CFAP52: variants seen among roughly 807,000 people sequenced by gnomAD.
The protein encoded by CFAP52 is cilia- and flagella-associated protein 52.
In CFAP52, 57 loss-of-function variants were observed where a neutral mutation model predicts 70.5. The observed-to-expected ratio is 0.81, with a 90% CI of 0.65 to 1.01. The LOEUF is 1.01. Among genes scored for constraint, CFAP52 ranks in the 50% least tolerant of loss-of-function variants. The pLI, the probability that CFAP52 is intolerant of heterozygous loss-of-function variation, is 0.00. For missense variants in CFAP52, 785 were observed against 788.5 expected (o/e 1.00, Z 0.05); for synonymous variants, 267 against 292.5 (o/e 0.91, Z 0.89).
At chr17:9,593,701 C>T (rs1789551651) in intron 3 of CFAP52, among the ~76,000 whole-genome samples, 1 of 152,148 alleles carries the variant, frequency 6.6e-6, no homozygotes. Flanking sequence ...GGTGATCCAC[C>T]CGCCTCGGCC....
intron 13 of CFAP52, among the ~76,000 whole-genome samples, chr17:9,642,538 T>C (rs1459665192): frequency 3.3e-5 from 5 of 152,142 alleles, no homozygotes; most frequent in Non-Finnish European, 7.4e-5. Flanking sequence ...ACAGGAGAAT[T>C]GCTTGAGCCT....
chr17:9,638,562 T>G (rs1285502465), intron 11 of CFAP52, 47 bp from the exon 12 acceptor site: 1 of 1,578,248 alleles, frequency 6.3e-7, no homozygotes, highest in Non-Finnish European at 8.7e-7. Flanking sequence ...ATAAATTTCC[T>G]AGGGAAGAGA....
At chr17:9,591,334 G>A (rs1017292726) in intron 3 of CFAP52, among the ~76,000 whole-genome samples, 1 of 151,980 alleles carries the variant, frequency 6.6e-6, no homozygotes, top group Non-Finnish European at 1.5e-5. Context: ...CGCCGCTCCC[G>A]GCCTGCATGT....
intron 1 of CFAP52, among the ~76,000 whole-genome samples, chr17:9,583,735 A>G (rs1908325321): frequency 6.6e-6 from 1 of 152,252 alleles, no homozygotes; most frequent in Admixed American, 6.5e-5. Context: ...AATAAACACG[A>G]AGAGCAATCA....
intron 9 of CFAP52, among the ~76,000 whole-genome samples, chr17:9,629,621 C>T (rs1346712178): frequency 3.3e-5 from 5 of 149,542 alleles, no homozygotes; most frequent in African/African-American, 9.9e-5. Flanking sequence ...GATCTAGGCT[C>T]ACTGCAACCT....
In CFAP52 at chr17:9,586,062, G is replaced by A. The variant is rs557003534; in HGVS notation, c.270+90G>A. 11 of 1,318,608 alleles carry A rather than the reference G, an allele frequency of 8.3e-6. No homozygotes were observed. In the African/African-American group the frequency reaches 1.6e-4, roughly 19 times the overall value. 81.7% of individuals were successfully genotyped at this position (1,318,608 alleles called of 1,614,324 possible). On this transcript the variant is annotated intron_variant, in intron 2 of 13. Transcript: ENST00000352665. Reference sequence around the variant, plus strand: ...CACTTCAAGTTGTTAGTTCTATGTGGCAATGTGCTTTATTCTTCCTTCTTC... The same window carrying A: ...CACTTCAAGTTGTTAGTTCTATGTGACAATGTGCTTTATTCTTCCTTCTTC...
At chr17:9,581,684 C>T (rs188949579) in intron 1 of CFAP52, among the ~76,000 whole-genome samples, 27 of 152,260 alleles carry the variant, frequency 1.8e-4, no homozygotes, top group Non-Finnish European at 3.1e-4. Flanking sequence ...TTTGGTTACT[C>T]ATATCTGAAT....
chr17:9,632,985 C>T lies in CFAP52; in HGVS notation c.1272C>T (p.Ala424=), dbSNP rs1436332194. The stretch of plus-strand genomic sequence containing the variant: ...ACAGGATCGGCGTCACCGCCATCGC[C>T]ACCACCAGTGACTGTAAAAGGGTCA... ...NAHRIGVTAI[A]TTSDCKRVIS... The change falls in exon 10 of 14, where the codon GCC becomes GCT. Residue 424 remains alanine (A), a synonymous_variant. Transcript: ENST00000352665. 3.7e-6 allele frequency: 6 copies of T among 1,614,080 alleles called. No homozygotes were observed. Among genetic ancestry groups the T allele is most frequent in the African/African-American group, 2.7e-5 (2 of 74,938 alleles).
At chr17:9,583,909 G>A (rs1363686089) in intron 1 of CFAP52, among the ~76,000 whole-genome samples, 1 of 152,232 alleles carries the variant, frequency 6.6e-6, no homozygotes, top group African/African-American at 2.4e-5. Flanking sequence ...ATGAGCTTTG[G>A]TGAAAGGAAG....
In CFAP52 at chr17:9,641,811, C is replaced by T. The variant is rs779797045; in HGVS notation, c.1663C>T (p.Gln555Ter). The change falls in exon 13 of 14, where the codon CAG becomes TAG. Residue 555 changes from glutamine (Q) to a stop codon, truncating the protein, a stop_gained. Coordinates refer to ENST00000352665, the MANE Select transcript of CFAP52 (RefSeq NM_145054.5). LOFTEE classifies it high-confidence loss of function. ...SGSINGMDIT[Q>*]EGVHFVTGGN... is the part of the protein sequence containing the mutation. The stretch of plus-strand genomic sequence containing the variant: ...GTCGATAAATGGCATGGATATCACA[C>T]AGGAAGGGGTGCACTTTGTCACAGG... 7 of 1,613,834 alleles carry T rather than the reference C, an allele frequency of 4.3e-6. No individual in the cohort carries two copies. The South Asian group carries it at 7.7e-5, about 18-fold the overall frequency.
chr17:9,578,682 A>T (rs1597756891), intron 1 of CFAP52, among the ~76,000 whole-genome samples: 1 of 152,158 alleles, frequency 6.6e-6, no homozygotes, highest in East Asian at 1.9e-4. Context: ...AGTAGCTGGG[A>T]TTATAAGCAC....
rs1282199193 is a variant in CFAP52, at chr17:9,576,691, C to A, written c.-5C>A. On this transcript the variant is annotated 5_prime_UTR_variant, in exon 1 of 14. Transcript: ENST00000352665. ...GGAGAGCAAAGTAATCAGAACCTCC[C>A]AAGGATGGATAACAAAATTTCGCCG... The A allele has an allele frequency of 1.2e-6, 2 of 1,611,648 alleles. No homozygotes were observed. Among genetic ancestry groups the A allele is most frequent in the Non-Finnish European group, 1.7e-6 (2 of 1,178,834 alleles).
chr17:9,637,427 T>C (rs562481656), intron 11 of CFAP52, among the ~76,000 whole-genome samples: 4 of 152,316 alleles, frequency 2.6e-5, no homozygotes, highest in African/African-American at 7.2e-5. Flanking sequence ...AAAACTTCCA[T>C]AATGAGAAGA....
intron 3 of CFAP52, 39 bp from the exon 4 acceptor site, chr17:9,594,154 T>C: frequency 1.2e-5 from 18 of 1,545,230 alleles, no homozygotes; most frequent in Admixed American, 2.1e-5. Flanking sequence ...GCCTGTTTTC[T>C]CTTTGACTTT....
At chr17:9,585,397 G>A (rs540133583) in intron 1 of CFAP52, among the ~76,000 whole-genome samples, 168 of 152,182 alleles carry the variant, frequency 1.1e-3, no homozygotes, top group Non-Finnish European at 1.5e-3. Context: ...GGCCGGGCGC[G>A]GTGGCTCACA....
At chr17:9,603,505 G>A (rs1179682588) in intron 6 of CFAP52, among the ~76,000 whole-genome samples, 3 of 152,152 alleles carry the variant, frequency 2.0e-5, no homozygotes, top group Non-Finnish European at 2.9e-5. Context: ...CACCACACCC[G>A]GCCCTAAGTA....
At chr17:9,590,661 C>G (rs1442200910) in intron 3 of CFAP52, among the ~76,000 whole-genome samples, 1 of 152,178 alleles carries the variant, frequency 6.6e-6, no homozygotes, top group African/African-American at 2.4e-5. Context: ...CAATCCCACC[C>G]CCTGTCAAAG....
At chr17:9,599,939 C>G (rs2151936175) in intron 5 of CFAP52, 128 bp from the exon 6 acceptor site, 2 of 679,642 alleles carry the variant, frequency 2.9e-6, no homozygotes, top group East Asian at 5.4e-5. Context: ...CAGGGTTTCT[C>G]CATGTTGGTC....
In CFAP52 at chr17:9,600,182, T is replaced by C. The variant is rs1909205911; in HGVS notation, c.752T>C (p.Leu251Ser). Residue 251 changes from leucine to serine, a missense_variant and splice_region_variant, in exon 6 of 14, where the codon TTG becomes TCG. By Grantham distance (145) the Leu-to-Ser change is moderately radical (BLOSUM62 -2). Coordinates refer to ENST00000352665, the MANE Select transcript of CFAP52 (RefSeq NM_145054.5). ...GGGCCTGCGAAGGACAAATTCAGTT[T>C]GGTGAGTAGAGACCATCGCCACTGC... is the stretch of plus-strand genomic sequence containing the variant. ...DVGPAKDKFS[L>S]GVSAIRCLKM... 6.2e-7 allele frequency: 1 copy of C among 1,613,472 alleles called. No homozygotes were observed. Among genetic ancestry groups the C allele is most frequent in the Non-Finnish European group, 8.5e-7 (1 of 1,179,464 alleles).
Sources: allele counts gnomAD v4.1 joint callset (sites outside exome capture counted in the v4.1 genomes callset), GRCh38; gene constraint gnomAD v4.1.1; transcripts MANE v1.5; gene names NCBI Gene and HGNC (gene_info 2026-07-23, HGNC 2026-07-21).